The following SIGLEC9 variants were observed in gnomAD, a reference collection of about 807,000 sequenced individuals.
The protein encoded by SIGLEC9 is sialic acid-binding Ig-like lectin 9.
In SIGLEC9, 26 loss-of-function variants were observed where a neutral mutation model predicts 38.3. The ratio of observed to expected loss-of-function variants is 0.68; its 90% confidence interval spans 0.50 to 0.94. SIGLEC9 has a LOEUF of 0.94. SIGLEC9 is among the 40% of genes least tolerant of loss of function. The probability of loss-of-function intolerance (pLI) is 0.00; values close to 1 mark genes in which losing one functional copy is unlikely to be tolerated. For synonymous variants in SIGLEC9, 236 were observed against 248.0 expected (o/e 0.95, Z 0.45); for missense variants, 556 against 585.7 (o/e 0.95, Z 0.52).
At chr19:51,124,630 A>C (rs1162157005), upstream of SIGLEC9, among the ~76,000 whole-genome samples, 2 of 151,950 alleles carry the variant, frequency 1.3e-5, no homozygotes, top group Non-Finnish European at 2.9e-5. Context: ...GCCAGATGGG[A>C]CTCATTTTCA....
chr19:51,124,617 C>T (rs76821314), upstream of SIGLEC9, among the ~76,000 whole-genome samples: 391 of 152,294 alleles, frequency 2.6e-3, 1 homozygote, highest in Non-Finnish European at 4.7e-3. Flanking sequence ...ACTCAGGGGT[C>T]TGGCCAGATG....
chr19:51,122,551 A>T (rs192011339), upstream of SIGLEC9, among the ~76,000 whole-genome samples: 16 of 146,674 alleles, frequency 1.1e-4, no homozygotes, highest in East Asian at 3.2e-3. This position sits in a 1 kb window ranked among gnomAD's most constrained non-coding sequence, Gnocchi z 4.1. Flanking sequence ...ACTGTACTCT[A>T]GCCTGGGTGA....
intron 6 of SIGLEC9, 87 bp downstream of exon 6, chr19:51,128,597 CA>C: frequency 8.9e-7 from 1 of 1,127,798 alleles, no homozygotes; most frequent in East Asian, 2.4e-5. Context: ...TGGGCGTAGC[CA>C]AAGTTACCTC....
In SIGLEC9 at chr19:51,128,526, T is replaced by C. The variant is rs752292830; in HGVS notation, c.1203+16T>C. On this transcript the variant is annotated intron_variant, in intron 6 of 6. Transcript: ENST00000250360. ...AGCCTCTCAGGTGAGTGATGTGGAC[T>C]CTCCACAGCCAGCATGTAGCCTGGA... 27 of 1,608,030 alleles carry C rather than the reference T, an allele frequency of 1.7e-5. No homozygotes were observed.
chr19:51,130,954 C>G (rs2092011880), downstream of SIGLEC9, among the ~76,000 whole-genome samples: 2 of 152,336 alleles, frequency 1.3e-5, no homozygotes, highest in South Asian at 4.1e-4. Flanking sequence ...CTGTCTCTGT[C>G]TTTGAAAATG....
chr19:51,128,461 G>A lies in SIGLEC9; in HGVS notation c.1154G>A (p.Gly385Glu), dbSNP rs1164614352. Residue 385 changes from glycine (G) to glutamate (E), a missense_variant, in exon 6 of 7, where the codon GGA becomes GAA. By Grantham distance (98) the Gly-to-Glu change is moderately conservative. Transcript: ENST00000250360. ...TCGGCAAGGCCAGCAGCGGGCGTGG[G>A]AGATACGGGCATAGAGGATGCAAAC... ...KKSARPAAGV[G>E]DTGIEDANAV... 1 of 1,614,150 alleles carries A rather than the reference G, an allele frequency of 6.2e-7. No individual in the cohort carries two copies. The highest frequency in any genetic ancestry group is 1.3e-5 in the African/African-American group (1 of 75,040).
chr19:51,125,465 G>GC (rs2091971304), intron 1 of SIGLEC9, 70 bp downstream of exon 1: 1 of 1,547,284 alleles, frequency 6.5e-7, no homozygotes, highest in Non-Finnish European at 8.7e-7. Context: ...CTGGGATGGA[G>GC]CCCCTGCCCC....
rs186387193 is a variant in SIGLEC9, at chr19:51,125,459, G to C, written c.421+64G>C. On this transcript the variant is annotated intron_variant, in intron 1 of 6. Coordinates refer to ENST00000250360, the MANE Select transcript of SIGLEC9 (RefSeq NM_014441.3). ...CATGGGGGCGGCAGGGAAAGGCTGG[G>C]ATGGAGCCCCTGCCCCAGGAGAGGG... 2.6e-6 allele frequency: 4 copies of C among 1,550,324 alleles called. No individual in the cohort carries two copies. The East Asian group carries it at 9.0e-5, about 35-fold the overall frequency.
intron 6 of SIGLEC9, chr19:51,135,821 G>T: frequency 1.7e-6 from 1 of 576,392 alleles, no homozygotes; most frequent in South Asian, 2.3e-5. Flanking sequence ...TCAGAGAACT[G>T]GTCTTTGAGC....
chr19:51,121,523 GT>G (rs951416465), upstream of SIGLEC9, among the ~76,000 whole-genome samples: 3 of 150,802 alleles, frequency 2.0e-5, no homozygotes, highest in Non-Finnish European at 4.4e-5. Context: ...AATGTCTCCC[GT>G]CATGCCCTCC....
upstream of SIGLEC9, chr19:51,120,845 CTT>C (rs67740870): frequency 8.7e-4 from 118 of 135,348 alleles, no homozygotes; most frequent in South Asian, 7.4e-3. The surrounding 1 kb of genome is among the most constrained non-coding windows in gnomAD (Gnocchi z 4.1). Context: ...ATCAGGAATT[CTT>C]TTTTTTTTTT....
chr19:51,128,728 A>G (rs146614529), intron 6 of SIGLEC9: 26 of 494,698 alleles, frequency 5.3e-5, no homozygotes, highest in African/African-American at 4.5e-4. Flanking sequence ...CTGAGGCCTG[A>G]GGATCTCTGT....
intron 3 of SIGLEC9, among the ~76,000 whole-genome samples, chr19:51,126,332 C>G (rs191007332): frequency 4.6e-5 from 7 of 151,994 alleles, no homozygotes; most frequent in Middle Eastern, 3.2e-3. Context: ...ACACCCCCCC[C>G]TCAGCCTCAA....
At chr19:51,125,512 C>T in intron 1 of SIGLEC9, 85 bp from the exon 2 acceptor site, 1 of 1,568,638 alleles carries the variant, frequency 6.4e-7, no homozygotes, top group Non-Finnish European at 8.6e-7. Context: ...TGGCTCAGGG[C>T]AGGAGCTGGA....
intron 4 of SIGLEC9, among the ~76,000 whole-genome samples, 172 bp from the exon 5 acceptor site, chr19:51,127,777 C>T (rs867187): frequency 0.088 from 13,439 of 152,144 alleles, 2,017 homozygotes; most frequent in African/African-American, 0.31. Context: ...GGCACTTGCA[C>T]GCCTCACTGG....
intron 6 of SIGLEC9, among the ~76,000 whole-genome samples, chr19:51,129,537 G>C (rs1369511683): frequency 2.0e-5 from 3 of 151,724 alleles, no homozygotes; most frequent in Non-Finnish European, 4.4e-5. Flanking sequence ...TGCCTCAAGT[G>C]CATTTTTTCG....
At chr19:51,120,325 G>C (rs2091948126), upstream of SIGLEC9, 1 of 152,210 alleles carries the variant, frequency 6.6e-6, no homozygotes, top group South Asian at 2.1e-4. The surrounding 1 kb of genome is among the most constrained non-coding windows in gnomAD (Gnocchi z 4.1). Context: ...AGTTGTTCTT[G>C]CATGTGACAA....
chr19:51,128,698 C>G, intron 6 of SIGLEC9, 188 bp downstream of exon 6: 1 of 554,004 alleles, frequency 1.8e-6, no homozygotes, highest in Non-Finnish European at 3.2e-6. Context: ...GTCTCTGCTC[C>G]CTATCCTGAC....
chr19:51,128,076 C>T, intron 5 of SIGLEC9, 37 bp downstream of exon 5: 1 of 1,517,682 alleles, frequency 6.6e-7, no homozygotes, highest in South Asian at 1.1e-5. Context: ...GAGGGAGAGC[C>T]CTGGGGGAGG....
Sources: allele counts gnomAD v4.1 joint callset (sites outside exome capture counted in the v4.1 genomes callset), GRCh38; gene constraint gnomAD v4.1.1; non-coding constraint Gnocchi (gnomAD v3.1); transcripts MANE v1.5; gene names NCBI Gene and HGNC (gene_info 2026-07-23, HGNC 2026-07-21).